Variants in NUTM2E observed in about 807,000 individuals in gnomAD.
NUTM2E encodes the protein family with sequence similarity 22, member E.
A neutral mutation model predicts 26.1 loss-of-function variants in NUTM2E; 3 were observed. The ratio of observed to expected loss-of-function variants is 0.12; its 90% CI spans 0.05 to 0.30. The LOEUF (loss-of-function observed/expected upper bound fraction) is 0.30, where lower values mean the gene tolerates loss of function less well. NUTM2E is among the 10% of genes least tolerant of loss of function. NUTM2E has a pLI of 1.00. For synonymous variants in NUTM2E, 13 were observed against 157.5 expected (o/e 0.08, Z 6.87); for missense variants, 62 against 381.3 (o/e 0.16, Z 6.97).
chr10:79,829,260 A>C (rs1936286405), intron 1 of NUTM2E, among the ~76,000 whole-genome samples: 1 of 151,576 alleles, frequency 6.6e-6, no homozygotes, highest in South Asian at 2.1e-4. Context: ...AGGGTGAGAT[A>C]GAGAGCTGAT....
In NUTM2E at chr10:79,840,930, A is replaced by G. The variant is rs879421756; in HGVS notation, c.-811A>G. On this transcript the variant is annotated 5_prime_UTR_variant, in exon 4 of 10. Transcript: ENST00000429984. ...CTAATACTCCCCTTGTTCACAACACAGAACATGAGTGCTCTTTCCTATCAT... is the reference window on the plus strand; with the variant it reads ...CTAATACTCCCCTTGTTCACAACACGGAACATGAGTGCTCTTTCCTATCAT... 7.1e-3 allele frequency among the ~76,000 whole-genome samples: 1,030 copies of G among 144,742 alleles called. 22 individuals carry two copies. The highest frequency in any genetic ancestry group is 0.013 in the Non-Finnish European group (855 of 66,142). The allele number at this position is 144,742 out of a possible 152,430, so 95.0% of individuals were successfully genotyped here. A position where few individuals can be genotyped will look rare whatever the true frequency, so the allele number is the denominator to read the frequency against.
At chr10:79,836,475 A>C (rs1423020073) in intron 1 of NUTM2E, among the ~76,000 whole-genome samples, 1 of 151,980 alleles carries the variant, frequency 6.6e-6, no homozygotes, top group Admixed American at 6.6e-5. Context: ...GCTACATAAG[A>C]GTATTGTAAT....
chr10:79,838,913 G>C lies in NUTM2E; in HGVS notation c.-2316G>C, dbSNP rs1415720301. ...GTTGAGGGCGGCCGGCCTCGCGCTG[G>C]AACCTCGCCCGCCTCAAGGCTCCTG... On this transcript the variant is annotated 5_prime_UTR_variant, in exon 3 of 10. Coordinates refer to ENST00000429984, the MANE Select transcript of NUTM2E (RefSeq NM_001355263.2). Among the ~76,000 whole-genome samples the C allele has an allele frequency of 6.7e-6, 1 of 149,284 alleles. No homozygotes were observed. Among genetic ancestry groups the C allele is most frequent in the African/African-American group, 2.5e-5 (1 of 40,600 alleles).
In NUTM2E at chr10:79,838,501, A is replaced by G. The variant is rs867467960; in HGVS notation, c.-2535A>G. Among the ~76,000 whole-genome samples the G allele has an allele frequency of 6.7e-6, 1 of 148,868 alleles. No homozygotes were observed. The highest frequency in any genetic ancestry group is 2.3e-4 in the South Asian group (1 of 4,434). ...GCTGAGGTTTTCTTCAAGCTTTTGC[A>G]TTGTTTGGAATGTGAAAGGCACGGC... is the stretch of plus-strand genomic sequence containing the variant. On this transcript the variant is annotated 5_prime_UTR_variant, in exon 2 of 10. Transcript: ENST00000429984.
chr10:79,837,338 A>G (rs1187528949), intron 1 of NUTM2E, among the ~76,000 whole-genome samples: 3 of 152,032 alleles, frequency 2.0e-5, no homozygotes, highest in Admixed American at 6.6e-5. Context: ...TAAGGCTTGA[A>G]CATAAGGTTT....
At chr10:79,828,441 C>T (rs1183603755) in intron 1 of NUTM2E, among the ~76,000 whole-genome samples, 1 of 151,906 alleles carries the variant, frequency 6.6e-6, no homozygotes, top group Non-Finnish European at 1.5e-5. Flanking sequence ...GCCCCCTTCT[C>T]AGTTTTCCTG....
At chr10:79,829,769 G>A (rs1841914911) in intron 1 of NUTM2E, among the ~76,000 whole-genome samples, 1 of 151,558 alleles carries the variant, frequency 6.6e-6, no homozygotes, top group Admixed American at 6.6e-5. Context: ...GGACAATAAA[G>A]AAAGTGACTA....
In NUTM2E at chr10:79,840,724, C is replaced by G. The variant is rs1841993877; in HGVS notation, c.-1017C>G. ...AGGGCAAATGCTTCGTAAGTGCCGACAGGGTGTGTTTCAGTGAATGTTTGC... is the reference window on the plus strand; with the variant it reads ...AGGGCAAATGCTTCGTAAGTGCCGAGAGGGTGTGTTTCAGTGAATGTTTGC... On this transcript the variant is annotated 5_prime_UTR_variant, in exon 4 of 10. Transcript: ENST00000429984. 6.6e-6 allele frequency among the ~76,000 whole-genome samples: 1 copy of G among 150,606 alleles called. No homozygotes were observed.
At position 79,837,856 on chromosome 10, in the gene NUTM2E, C is replaced by T. The variant is rs1221664793; in HGVS notation, c.-2727-453C>T. On this transcript the variant is annotated intron_variant, in intron 1 of 9. Transcript: ENST00000429984. The stretch of plus-strand genomic sequence containing the variant: ...TGAGTAAAATAGTATTTAAAAACTA[C>T]TCACAGCCTTCAAGGAGCACAGCGT... Among the ~76,000 whole-genome samples, 2 of 151,890 alleles carry T rather than the reference C, an allele frequency of 1.3e-5. 1 individual carries two copies. The highest frequency in any genetic ancestry group is 2.9e-5 in the Non-Finnish European group (2 of 67,960).
At chr10:79,829,876 T>C (rs1589305496) in intron 1 of NUTM2E, among the ~76,000 whole-genome samples, 1 of 151,692 alleles carries the variant, frequency 6.6e-6, no homozygotes, top group East Asian at 1.9e-4. Context: ...TGACAATTAT[T>C]GAACAAATTA....
rs1443979775 is a variant in NUTM2E at position 79,826,942 on chromosome 10, C to G, written c.-3143C>G. 6.7e-6 allele frequency: 1 copy of G among 149,634 alleles called. No individual in the cohort carries two copies. The highest frequency in any genetic ancestry group is 6.7e-5 in the Admixed American group (1 of 14,996). The allele number at this position is 149,634 out of a possible 1,614,324, so 9.3% of individuals were successfully genotyped here. On this transcript the variant is annotated 5_prime_UTR_variant, in exon 1 of 10. Coordinates refer to ENST00000429984, the MANE Select transcript of NUTM2E (RefSeq NM_001355263.2). ...TGTCGGCCGGGTTGCTGCCGGGCAC[C>G]GTCGAGCGTTAGCCACCCAGCATTG...
intron 1 of NUTM2E, among the ~76,000 whole-genome samples, chr10:79,831,538 A>G (rs1841926910): frequency 6.6e-6 from 1 of 151,642 alleles, no homozygotes; most frequent in Non-Finnish European, 1.5e-5. Context: ...GTAAAATGTC[A>G]ATTATTGTGA....
rs1055283300 is a variant in NUTM2E, at chr10:79,838,435, C to T, written c.-2601C>T. Among the ~76,000 whole-genome samples, 8 of 145,908 alleles carry T rather than the reference C, an allele frequency of 5.5e-5. No homozygotes were observed. Among genetic ancestry groups the T allele is most frequent in the African/African-American group, 2.1e-4 (8 of 38,208 alleles). On this transcript the variant is annotated 5_prime_UTR_variant, in exon 2 of 10. An upstream open reading frame in the 5' UTR gains an earlier in-frame stop. Transcript: ENST00000429984. ...TGAGAACTTCACTGTTTTACGAGGA[C>T]AGGAGCTACTTCTTTGCTGAACTGC...
rs145100213 is a variant in NUTM2E, at chr10:79,828,823, T to C, written c.-2728+1466T>C. 4.4e-3 allele frequency among the ~76,000 whole-genome samples: 673 copies of C among 151,974 alleles called. 10 individuals are homozygous for C. The highest frequency in any genetic ancestry group is 0.016 in the African/African-American group (646 of 41,500). On this transcript the variant is annotated intron_variant, in intron 1 of 9. Coordinates refer to ENST00000429984, the MANE Select transcript of NUTM2E (RefSeq NM_001355263.2). Reference sequence around the variant, plus strand: ...ATGTTTCATAGGCTTGCTGTAATAATCGATGGGATGTATCTAATAGTGTTT... The same window carrying C: ...ATGTTTCATAGGCTTGCTGTAATAACCGATGGGATGTATCTAATAGTGTTT...
intron 1 of NUTM2E, chr10:79,827,599 C>CAT (rs1841893934): frequency 6.7e-6 from 1 of 148,364 alleles, no homozygotes; most frequent in Non-Finnish European, 1.5e-5. Flanking sequence ...GGAGTGTAAA[C>CAT]ATATACATCA....
chr10:79,838,035 A>G (rs1190403610), intron 1 of NUTM2E, among the ~76,000 whole-genome samples: 2 of 151,376 alleles, frequency 1.3e-5, no homozygotes, highest in East Asian at 3.9e-4. Flanking sequence ...TCTCAGTTCT[A>G]TTCTCCCATA....
Position 79,848,899 on chromosome 10 carries a change from G to C in NUTM2E, c.1734+4G>C. 1 of 507,702 alleles carries C rather than the reference G, an allele frequency of 2.0e-6. No homozygotes were observed. Among genetic ancestry groups the C allele is most frequent in the South Asian group, 2.2e-5 (1 of 46,394 alleles). 31.4% of individuals were successfully genotyped at this position (507,702 alleles called of 1,614,324 possible). Reference sequence around the variant, plus strand: ...CCAGAAAGACTTCGTCACCAAGGTGGGCTGGCCTGGAGTGCTGGGGTCTGC... The same window carrying C: ...CCAGAAAGACTTCGTCACCAAGGTGCGCTGGCCTGGAGTGCTGGGGTCTGC... On this transcript the variant is annotated splice_donor_region_variant and intron_variant, in intron 8 of 9. Coordinates refer to ENST00000429984, the MANE Select transcript of NUTM2E (RefSeq NM_001355263.2).
intron 1 of NUTM2E, among the ~76,000 whole-genome samples, chr10:79,831,709 T>C (rs1450858613): frequency 6.6e-6 from 1 of 151,820 alleles, no homozygotes; most frequent in Non-Finnish European, 1.5e-5. Flanking sequence ...GATACAGTAT[T>C]GTTATCATCC....
rs530938108 is a variant in NUTM2E, at chr10:79,833,447, T to A, written c.-2727-4862T>A. On this transcript the variant is annotated intron_variant, in intron 1 of 9. Coordinates refer to ENST00000429984, the MANE Select transcript of NUTM2E (RefSeq NM_001355263.2). ...GGCAACCTACAGAACGGGAAAAAAA[T>A]TTTGCAATCTATCCATCTGGCAAAG... Among the ~76,000 whole-genome samples, 380 of 150,194 alleles carry A rather than the reference T, an allele frequency of 2.5e-3. 3 individuals are homozygous for A. Among genetic ancestry groups the A allele is most frequent in the Non-Finnish European group, 3.2e-3 (212 of 67,282 alleles).
Sources: allele counts gnomAD v4.1 joint callset (sites outside exome capture counted in the v4.1 genomes callset), GRCh38; gene constraint gnomAD v4.1.1; transcripts MANE v1.5; gene names NCBI Gene and HGNC (gene_info 2026-07-23, HGNC 2026-07-21).